DPP6: variants seen among roughly 807,000 people sequenced by gnomAD.
DPP6 encodes A-type potassium channel modulatory protein DPP6.
Under a neutral mutation model 122.6 loss-of-function variants are expected in DPP6, and 69 were observed. The ratio of observed to expected loss-of-function variants is 0.56; its 90% CI spans 0.46 to 0.69. DPP6 has a LOEUF of 0.69. Among genes scored for constraint, DPP6 ranks in the 30% least tolerant of loss-of-function variants. The pLI is 0.00. For synonymous variants in DPP6, 418 were observed against 433.1 expected (o/e 0.97, Z 0.43); for missense variants, 928 against 1,116.9 (o/e 0.83, Z 2.41).
chr7:154,252,969 T>C (rs1408232824), intron 1 of DPP6, among the ~76,000 whole-genome samples: 1 of 152,158 alleles, frequency 6.6e-6, no homozygotes, highest in Non-Finnish European at 1.5e-5. Flanking sequence ...AAATCTCTAC[T>C]AAGACAAATT....
At chr7:154,142,481 T>A (rs1276478900) in intron 1 of DPP6, among the ~76,000 whole-genome samples, 1 of 152,202 alleles carries the variant, frequency 6.6e-6, no homozygotes, top group African/African-American at 2.4e-5. Flanking sequence ...ACTTTTTTGT[T>A]AGGTTGGGGG....
chr7:154,383,004 G>A (rs942196798), intron 1 of DPP6, among the ~76,000 whole-genome samples: 22 of 152,200 alleles, frequency 1.4e-4, no homozygotes, highest in Admixed American at 7.9e-4. Context: ...TGGGATTACA[G>A]GCTTGAGCCA....
the DPP6 span, among the ~76,000 whole-genome samples, chr7:153,800,159 T>C: frequency 6.6e-6 from 1 of 152,214 alleles, no homozygotes. Flanking sequence ...AGTCAAGATA[T>C]GGCATCAACC....
intron 1 of DPP6, among the ~76,000 whole-genome samples, chr7:154,246,660 G>C (rs889166412): frequency 1.3e-5 from 2 of 152,148 alleles, no homozygotes; most frequent in Non-Finnish European, 2.9e-5. Context: ...CAGCAATAAA[G>C]TGTGGCATTA....
intron 16 of DPP6, among the ~76,000 whole-genome samples, chr7:154,850,785 G>A (rs1221672158): frequency 6.6e-6 from 1 of 152,146 alleles, no homozygotes; most frequent in African/African-American, 2.4e-5. Flanking sequence ...TGTGTTATCA[G>A]CTGTAACATC....
intron 8 of DPP6, among the ~76,000 whole-genome samples, chr7:154,750,240 A>G (rs1843307152): frequency 6.6e-6 from 1 of 152,194 alleles, no homozygotes; most frequent in Non-Finnish European, 1.5e-5. Flanking sequence ...CTATCCGTAG[A>G]TGAACACCCT....
chr7:153,900,852 G>A (rs1381277247), intron 1 of DPP6, among the ~76,000 whole-genome samples: 1 of 152,088 alleles, frequency 6.6e-6, no homozygotes, highest in Non-Finnish European at 1.5e-5. Flanking sequence ...ACAAGCTGTG[G>A]CCCCAAAATA....
the DPP6 span, among the ~76,000 whole-genome samples, chr7:153,840,038 G>T: frequency 6.6e-6 from 1 of 152,142 alleles, no homozygotes; most frequent in Non-Finnish European, 1.5e-5. Flanking sequence ...ACTGTGTCCT[G>T]GAGTCCTTAT....
intron 1 of DPP6, among the ~76,000 whole-genome samples, chr7:154,197,069 T>C (rs1798906262): frequency 6.6e-6 from 1 of 152,026 alleles, no homozygotes; most frequent in Non-Finnish European, 1.5e-5. Context: ...CACTGCCCAC[T>C]GAACATCTAA....
At chr7:154,626,840 C>G (rs12532210) in intron 5 of DPP6, among the ~76,000 whole-genome samples, 151,138 of 152,274 alleles carry the variant, frequency 0.99, 75,018 homozygotes, top group Non-Finnish European at 1. Context: ...AGTAAATTGC[C>G]TAGAGCAGTG....
intron 2 of DPP6, among the ~76,000 whole-genome samples, chr7:154,449,825 T>C (rs2151295631): frequency 6.6e-6 from 1 of 151,552 alleles, no homozygotes; most frequent in South Asian, 2.1e-4. Flanking sequence ...GGCTAACACA[T>C]TGAAACCCCA....
chr7:154,490,246 A>T (rs1228703118), intron 3 of DPP6, among the ~76,000 whole-genome samples: 1 of 152,228 alleles, frequency 6.6e-6, no homozygotes, highest in Non-Finnish European at 1.5e-5. Flanking sequence ...TTGAACTTGA[A>T]TCTGCAATGG....
intron 1 of DPP6, among the ~76,000 whole-genome samples, chr7:153,930,055 T>C (rs2129012698): frequency 6.6e-6 from 1 of 152,300 alleles, no homozygotes; most frequent in Middle Eastern, 3.4e-3. Flanking sequence ...TCTGAAAAGT[T>C]TGGAAAAACT....
chr7:154,301,964 C>T (rs1013075564), intron 1 of DPP6, among the ~76,000 whole-genome samples: 2 of 151,924 alleles, frequency 1.3e-5, no homozygotes, highest in South Asian at 2.1e-4. Flanking sequence ...ACTACAGGAG[C>T]GTGACACCAC....
chr7:154,242,211 G>A (rs543862308), intron 1 of DPP6, among the ~76,000 whole-genome samples: 18 of 152,244 alleles, frequency 1.2e-4, no homozygotes, highest in Admixed American at 6.5e-4. Context: ...TTTGTCTGAC[G>A]TTGACATGTA....
At chr7:154,879,473 C>T (rs1490316546) in intron 20 of DPP6, among the ~76,000 whole-genome samples, 1 of 134,558 alleles carries the variant, frequency 7.4e-6, no homozygotes, top group Non-Finnish European at 1.5e-5. Context: ...ACCTGTAGTC[C>T]CAGCTACTCG....
intron 6 of DPP6, among the ~76,000 whole-genome samples, chr7:154,648,337 G>C (rs1207982669): frequency 6.6e-6 from 1 of 151,936 alleles, no homozygotes; most frequent in Non-Finnish European, 1.5e-5. Flanking sequence ...GGATGGATAG[G>C]GAAAGGCCCC....
chr7:153,928,485 G>A (rs1801025954), intron 1 of DPP6, among the ~76,000 whole-genome samples: 1 of 134,332 alleles, frequency 7.4e-6, no homozygotes, highest in African/African-American at 2.8e-5. Context: ...CAGGTGATCT[G>A]CCCACCTCAG....
chr7:154,748,531 T>C (rs1843145693), intron 8 of DPP6, among the ~76,000 whole-genome samples: 1 of 152,230 alleles, frequency 6.6e-6, no homozygotes, highest in African/African-American at 2.4e-5. Flanking sequence ...AGAGAATGGC[T>C]TAGTAATAAT....
Sources: gnomAD v4.1 joint callset for allele counts (sites outside exome capture counted in the v4.1 genomes callset) on GRCh38, gnomAD v4.1.1 for gene constraint, MANE v1.5 for transcripts, NCBI Gene and HGNC (gene_info 2026-07-23, HGNC 2026-07-21) for gene names.